Variants in GRM5 observed in about 807,000 individuals in gnomAD.
GRM5 encodes the protein glutamate metabotropic receptor 5, also known as metabotropic glutamate receptor 5.
In GRM5, 19 loss-of-function variants were observed where a neutral mutation model predicts 83.1. The observed-to-expected ratio is 0.23, with a 90% confidence interval of 0.16 to 0.34. The LOEUF is 0.34. Ranked by LOEUF, GRM5 falls within the 10% of genes least tolerant of loss-of-function variation. The probability of loss-of-function intolerance (pLI) is 1.00; values close to 1 mark genes in which losing one functional copy is unlikely to be tolerated. For synonymous variants in GRM5, 675 were observed against 633.6 expected, an observed-to-expected ratio of 1.07 and a Z score of -0.98; for missense variants, 1,160 against 1,588.3, an observed-to-expected ratio of 0.73 and a Z score of 4.58.
rs139821121 is a variant in GRM5, at chr11:88,567,327, G to A, written c.2356C>T (p.Leu786=). 3 of 1,614,082 alleles carry A rather than the reference G, an allele frequency of 1.9e-6. No individual in the cohort carries two copies. The highest frequency in any genetic ancestry group is 2.5e-6 in the Non-Finnish European group (3 of 1,179,936). The part of the protein sequence containing the change: ...FTMYTTCIIW[L]AFVPIYFGSN... ...CCAAAGTAGATTGGCACAAAAGCTAGCCATATAATGCAGGTCGTGTACATT... is the reference window on the plus strand; with the variant it reads ...CCAAAGTAGATTGGCACAAAAGCTAACCATATAATGCAGGTCGTGTACATT... Residue 786 remains leucine, a synonymous_variant, in exon 8 of 10, where the codon CTA becomes TTA. Coordinates refer to ENST00000305447, the MANE Select transcript of GRM5 (RefSeq NM_001143831.3). The surrounding 1 kb of genome is among the most constrained non-coding windows in gnomAD (Gnocchi z 7.3).
intron 1 of GRM5, among the ~76,000 whole-genome samples, chr11:89,056,967 A>G (rs780218970): frequency 1.3e-5 from 2 of 152,166 alleles, no homozygotes; most frequent in Non-Finnish European, 2.9e-5. Flanking sequence ...TATATCCTAA[A>G]TGATATGAAA....
chr11:88,922,839 TTA>T (rs1945715904), intron 2 of GRM5, among the ~76,000 whole-genome samples: 1 of 152,084 alleles, frequency 6.6e-6, no homozygotes, highest in Non-Finnish European at 1.5e-5. Flanking sequence ...TGACAAGGGA[TTA>T]ATAACCAGAA....
At chr11:88,773,370 G>C (rs1328206694) in intron 3 of GRM5, among the ~76,000 whole-genome samples, 2 of 152,132 alleles carry the variant, frequency 1.3e-5, no homozygotes, top group Non-Finnish European at 2.9e-5. Flanking sequence ...CAGGTGGGTA[G>C]ATTGCAAAAA....
chr11:88,563,120 G>A (rs1262059439), intron 8 of GRM5, among the ~76,000 whole-genome samples: 1 of 152,094 alleles, frequency 6.6e-6, no homozygotes, highest in Non-Finnish European at 1.5e-5. Flanking sequence ...AAAAGGTTGA[G>A]GTAGCATTTA....
chr11:88,766,012 A>C (rs930180225), intron 3 of GRM5, among the ~76,000 whole-genome samples: 26 of 151,948 alleles, frequency 1.7e-4, no homozygotes, highest in Admixed American at 1.3e-3. Context: ...TCTGATTCAA[A>C]AAAAGGCAAA....
At position 88,527,215 on chromosome 11, in the gene GRM5, T is replaced by C. The variant is rs186749968; in HGVS notation, c.2631-1811A>G. Among the ~76,000 whole-genome samples the C allele has an allele frequency of 8.8e-4, 134 of 152,330 alleles. 1 individual carries two copies. The highest frequency in any genetic ancestry group is 3.0e-3 in the African/African-American group (126 of 41,592). On this transcript the variant is annotated intron_variant, in intron 8 of 9. Transcript: ENST00000305447. ...AGAATATTGATAGAATAATAAATTA[T>C]TGGTGGTCATTCACTTCCTTACAAA...
chr11:88,772,663 C>G (rs941904274), intron 3 of GRM5, among the ~76,000 whole-genome samples: 5 of 152,004 alleles, frequency 3.3e-5, no homozygotes, highest in African/African-American at 1.2e-4. Context: ...AGTGATCTCA[C>G]TGTTCAATTC....
At chr11:88,873,280 A>G (rs947441548) in intron 2 of GRM5, among the ~76,000 whole-genome samples, 17 of 151,674 alleles carry the variant, frequency 1.1e-4, no homozygotes, top group Admixed American at 2.6e-4. Context: ...TCAACACCCC[A>G]CTTTTAGCAA....
intron 3 of GRM5, among the ~76,000 whole-genome samples, chr11:88,802,791 A>G (rs4094125): frequency 0.46 from 66,406 of 143,042 alleles, 18,161 homozygotes; most frequent in African/African-American, 0.74. Context: ...AAACCCCATC[A>G]TCTCAGCCCA....
At chr11:89,044,624 T>C (rs1190103664) in intron 2 of GRM5, among the ~76,000 whole-genome samples, 1 of 152,142 alleles carries the variant, frequency 6.6e-6, no homozygotes, top group African/African-American at 2.4e-5. Context: ...TAATGGTTCA[T>C]GTGAAAGCAT....
At position 88,936,446 on chromosome 11, in the gene GRM5, G is replaced by A. The variant is rs937962680; in HGVS notation, c.662-86291C>T. Among the ~76,000 whole-genome samples, 6 of 151,772 alleles carry A rather than the reference G, an allele frequency of 4.0e-5. No individual in the cohort carries two copies. In the Admixed American group the frequency reaches 4.0e-4, roughly 10 times the overall value. On this transcript the variant is annotated intron_variant, in intron 2 of 9. Transcript: ENST00000305447. Reference sequence around the variant, plus strand: ...CAGTAAGATTTATCTGGGTCATCAAGCTTTTTCTCATTATAATCTCTCATA... The same window carrying A: ...CAGTAAGATTTATCTGGGTCATCAAACTTTTTCTCATTATAATCTCTCATA...
At chr11:88,796,514 T>TAATA (rs1297196672) in intron 3 of GRM5, among the ~76,000 whole-genome samples, 2 of 152,160 alleles carry the variant, frequency 1.3e-5, no homozygotes, top group Non-Finnish European at 2.9e-5. Flanking sequence ...GATCAGAACA[T>TAATA]AATATTTGAC....
In GRM5 at chr11:88,703,388, A is replaced by T. The variant is rs75368655; in HGVS notation, c.912-49985T>A. Among the ~76,000 whole-genome samples the T allele has an allele frequency of 5.9e-5, 9 of 151,720 alleles. No homozygotes were observed. The South Asian group carries it at 1.9e-3, about 31-fold the overall frequency. ...TGGGATAGTACTGGACACCTGAGGG[A>T]TGGTATGTAGACATCTCATGTTACC... On this transcript the variant is annotated intron_variant, in intron 3 of 9. Coordinates refer to ENST00000305447, the MANE Select transcript of GRM5 (RefSeq NM_001143831.3).
intron 2 of GRM5, among the ~76,000 whole-genome samples, chr11:88,969,041 A>G (rs1220966660): frequency 1.3e-5 from 2 of 152,088 alleles, no homozygotes; most frequent in Non-Finnish European, 2.9e-5. Context: ...TAGCATAGAC[A>G]GGAGGAAATA....
intron 3 of GRM5, among the ~76,000 whole-genome samples, chr11:88,678,836 G>C (rs1940403829): frequency 6.6e-6 from 1 of 151,904 alleles, no homozygotes; most frequent in East Asian, 1.9e-4. Context: ...GTATTTATTA[G>C]CCAGGTAAAT....
At chr11:88,571,868 T>C (rs1943010410) in intron 7 of GRM5, among the ~76,000 whole-genome samples, 2 of 151,662 alleles carry the variant, frequency 1.3e-5, no homozygotes, top group African/African-American at 4.9e-5. Flanking sequence ...AGACTGGAAA[T>C]GAAGAAACCA....
chr11:88,652,320 T>C (rs1939652439), intron 4 of GRM5, among the ~76,000 whole-genome samples: 1 of 152,064 alleles, frequency 6.6e-6, no homozygotes, highest in African/African-American at 2.4e-5. Flanking sequence ...TTACAAACTT[T>C]AACCTTTGCA....
chr11:88,783,627 G>T (rs1591513473), intron 3 of GRM5, among the ~76,000 whole-genome samples: 1 of 151,934 alleles, frequency 6.6e-6, no homozygotes, highest in East Asian at 1.9e-4. Context: ...CAAATGTTTT[G>T]TTTTCTCCCT....
chr11:88,688,183 G>A (rs907894124), intron 3 of GRM5, among the ~76,000 whole-genome samples: 1 of 152,100 alleles, frequency 6.6e-6, no homozygotes, highest in African/African-American at 2.4e-5. Flanking sequence ...CTCAGTACTG[G>A]ATGTAAATAC....
Sources: allele counts gnomAD v4.1 joint callset (sites outside exome capture counted in the v4.1 genomes callset), GRCh38; gene constraint gnomAD v4.1.1; non-coding constraint Gnocchi (gnomAD v3.1); transcripts MANE v1.5; gene names NCBI Gene and HGNC (gene_info 2026-07-23, HGNC 2026-07-21).